GLRA1: variants seen among roughly 807,000 people sequenced by gnomAD.
GLRA1 encodes the protein glycine receptor subunit alpha-1.
Under a neutral mutation model 48.3 loss-of-function variants are expected in GLRA1, and 37 were observed. That is an observed-to-expected ratio of 0.77 (90% CI 0.59 to 1.01). GLRA1 has a LOEUF of 1.01. Among genes scored for constraint, GLRA1 ranks in the 50% least tolerant of loss-of-function variants. The probability of loss-of-function intolerance (pLI) is 0.00; values close to 1 mark genes in which losing one functional copy is unlikely to be tolerated. For missense variants in GLRA1, 427 were observed against 571.0 expected (o/e 0.75, Z 2.57); for synonymous variants, 196 against 210.7 (o/e 0.93, Z 0.60).
chr5:151,907,190 CA>C (rs35558701), intron 1 of GLRA1, among the ~76,000 whole-genome samples: 6 of 151,154 alleles, frequency 4.0e-5, no homozygotes, highest in Admixed American at 2.6e-4. Context: ...AGAAGACTTA[CA>C]AAAAAAAATA....
intron 7 of GLRA1, among the ~76,000 whole-genome samples, chr5:151,834,788 G>T: frequency 6.6e-6 from 1 of 152,094 alleles, no homozygotes; most frequent in Admixed American, 6.6e-5. Context: ...AGCACTTTGG[G>T]AGGCCAAGGT....
chr5:151,852,539 G>T (rs1447210213), intron 6 of GLRA1, among the ~76,000 whole-genome samples: 2 of 152,230 alleles, frequency 1.3e-5, no homozygotes, highest in Non-Finnish European at 2.9e-5. Context: ...CAGTCTTATG[G>T]TGGGATCTTA....
chr5:151,903,249 C>T (rs990307351), intron 1 of GLRA1, among the ~76,000 whole-genome samples: 1 of 152,102 alleles, frequency 6.6e-6, no homozygotes, highest in Non-Finnish European at 1.5e-5. Flanking sequence ...CCTCAGTAGG[C>T]ACTGAGGAAG....
intron 1 of GLRA1, among the ~76,000 whole-genome samples, chr5:151,898,324 C>T (rs1754273390): frequency 6.6e-6 from 1 of 151,458 alleles, no homozygotes. Flanking sequence ...ATTTTTTTCT[C>T]CAAGGGGCCA....
At chr5:151,893,360 C>CTT (rs1754147012) in intron 1 of GLRA1, among the ~76,000 whole-genome samples, 1 of 97,036 alleles carries the variant, frequency 1.0e-5, no homozygotes, top group Non-Finnish European at 2.2e-5. Context: ...TTCTTTCTTT[C>CTT]ATTTTAGTTC....
chr5:151,870,220 G>A (rs1048947484), intron 3 of GLRA1, among the ~76,000 whole-genome samples: 8 of 149,400 alleles, frequency 5.4e-5, no homozygotes, highest in South Asian at 2.1e-4. Flanking sequence ...AGTATCAGGC[G>A]AAGAATTTTG....
rs1431382002 is a variant in GLRA1, at chr5:151,827,459, C to T, written c.1059+1462G>A. Reference sequence around the variant, plus strand: ...GTGTGTATATGTAATCATTTTAATCCTTGGCACTTGTGCGGCAGGAACAAA... The same window carrying T: ...GTGTGTATATGTAATCATTTTAATCTTTGGCACTTGTGCGGCAGGAACAAA... On this transcript the variant is annotated intron_variant, in intron 8 of 8. Transcript: ENST00000274576. Among the ~76,000 whole-genome samples the T allele has an allele frequency of 3.3e-5, 5 of 152,092 alleles. No individual in the cohort carries two copies. The East Asian group carries it at 9.6e-4, about 29-fold the overall frequency.
At chr5:151,886,177 T>G (rs1184599417) in intron 3 of GLRA1, among the ~76,000 whole-genome samples, 1 of 152,238 alleles carries the variant, frequency 6.6e-6, no homozygotes, top group Non-Finnish European at 1.5e-5. Context: ...ATAAATACTG[T>G]AGGAAGAAAA....
intron 1 of GLRA1, among the ~76,000 whole-genome samples, chr5:151,923,053 A>G (rs1189098345): frequency 6.6e-6 from 1 of 152,306 alleles, no homozygotes; most frequent in African/African-American, 2.4e-5. Flanking sequence ...GATACGTTTC[A>G]TAAGGCCCTG....
chr5:151,863,843 AGTCTGTTT>A (rs552917310), intron 3 of GLRA1, among the ~76,000 whole-genome samples: 176 of 152,282 alleles, frequency 1.2e-3, no homozygotes, highest in African/African-American at 4.0e-3. Flanking sequence ...CTCATGCCTC[AGTCTGTTT>A]GCCTATAGAA....
chr5:151,891,205 C>G (rs978153773), intron 2 of GLRA1, among the ~76,000 whole-genome samples: 1 of 152,172 alleles, frequency 6.6e-6, no homozygotes, highest in Non-Finnish European at 1.5e-5. Context: ...AGTGCATAGG[C>G]TCCGAAGGAG....
intron 1 of GLRA1, among the ~76,000 whole-genome samples, chr5:151,912,621 T>C (rs926300612): frequency 2.0e-5 from 3 of 152,156 alleles, no homozygotes; most frequent in African/African-American, 7.2e-5. Flanking sequence ...ACAGCAGTGC[T>C]TTAGGGTTGG....
intron 7 of GLRA1, among the ~76,000 whole-genome samples, chr5:151,849,421 C>A (rs1449676281): frequency 1.7e-4 from 3 of 17,598 alleles, no homozygotes; most frequent in African/African-American, 6.7e-4. Context: ...CTTTCCTTTC[C>A]TTTCCTTTCC....
At chr5:151,908,480 G>A (rs12109301) in intron 1 of GLRA1, among the ~76,000 whole-genome samples, 1,554 of 152,062 alleles carry the variant, frequency 0.01, 31 homozygotes, top group African/African-American at 0.036. Context: ...GTTGAGGGAG[G>A]TCTTAGAAGT....
chr5:151,893,152 C>G (rs1475097952), intron 1 of GLRA1, among the ~76,000 whole-genome samples: 1 of 152,116 alleles, frequency 6.6e-6, no homozygotes, highest in Non-Finnish European at 1.5e-5. Context: ...AGAAGTCAAA[C>G]AGGGATGCAT....
intron 7 of GLRA1, chr5:151,850,445 C>T: frequency 9.0e-7 from 1 of 1,113,042 alleles, no homozygotes; most frequent in Non-Finnish European, 1.4e-6. Context: ...CCAACTTCAG[C>T]ACCAAGGCCA....
intron 7 of GLRA1, chr5:151,850,214 C>T (rs1752864481): frequency 3.7e-6 from 6 of 1,603,720 alleles, no homozygotes; most frequent in Non-Finnish European, 5.1e-6. Context: ...AGGCCCATTA[C>T]CAGGCCTGCT....
At chr5:151,859,658 T>G in intron 4 of GLRA1, 127 bp downstream of exon 4, 3 of 718,166 alleles carry the variant, frequency 4.2e-6, no homozygotes, top group Non-Finnish European at 7.6e-6. Context: ...CTACCTATTC[T>G]GCAAAGGTGT....
In GLRA1 at chr5:151,822,551, T is replaced by C; in HGVS notation, c.*122A>G. ...TCACTGCATTTTGCTATTGCACATA[T>C]TGCAGAGAGAGTTGTGTAAGTGTGC... On this transcript the variant is annotated 3_prime_UTR_variant, in exon 9 of 9. Transcript: ENST00000274576. 2.7e-6 allele frequency: 2 copies of C among 746,980 alleles called. No homozygotes were observed. The highest frequency in any genetic ancestry group is 1.7e-5 in the African/African-American group (1 of 58,178). The allele number at this position is 746,980 out of a possible 1,614,324, so 46.3% of individuals were successfully genotyped here. A position where few individuals can be genotyped will look rare whatever the true frequency, so the allele number is the denominator to read the frequency against.
Sources: gnomAD v4.1 joint callset for allele counts (sites outside exome capture counted in the v4.1 genomes callset) on GRCh38, gnomAD v4.1.1 for gene constraint, MANE v1.5 for transcripts, NCBI Gene and HGNC (gene_info 2026-07-23, HGNC 2026-07-21) for gene names.